Variants in FAM25A observed in about 807,000 individuals in gnomAD.
FAM25A encodes family with sequence similarity 25 member A, also known as protein FAM25A.
FAM25A carries 5 observed loss-of-function variants against 6.6 expected under a neutral mutation model. That is an observed-to-expected ratio of 0.75 (90% CI 0.39 to 1.59). The LOEUF is 1.59. Among genes scored for constraint, FAM25A ranks in the 40% most tolerant of loss-of-function variants. The pLI, the probability that FAM25A is intolerant of heterozygous loss-of-function variation, is 0.02. For synonymous variants in FAM25A, 36 were observed against 41.3 expected, an observed-to-expected ratio of 0.87 and a Z score of 0.49; for missense variants, 93 against 109.7, an observed-to-expected ratio of 0.85 and a Z score of 0.68.
Position 87,020,381 on chromosome 10 carries a change from GGCCACCGAGGGA to G in FAM25A, c.62_73del (p.Thr21_Ala24del). 1 of 1,549,460 alleles carries G rather than the reference GGCCACCGAGGGA, an allele frequency of 6.5e-7. No individual in the cohort carries two copies. The highest frequency in any genetic ancestry group is 1.4e-5 in the African/African-American group (1 of 73,086). On this transcript the variant is annotated inframe_deletion, in exon 1 of 3. Transcript: ENST00000343959. ...AAGGCCTGGCCCACCGCACCGAGAA[GGCCACCGAGGGA>G]GCCAGTGAGGACCTGGGGCTCCTTT...
chr10:87,024,383 A>G (rs1393367249), intron 2 of FAM25A, among the ~76,000 whole-genome samples, 158 bp from the exon 3 acceptor site: 1 of 152,104 alleles, frequency 6.6e-6, no homozygotes, highest in Non-Finnish European at 1.5e-5. Flanking sequence ...AATTAAAACC[A>G]AATTCAAATT....
chr10:87,024,328 A>T (rs1845358160), intron 2 of FAM25A, among the ~76,000 whole-genome samples: 1 of 152,166 alleles, frequency 6.6e-6, no homozygotes, highest in Non-Finnish European at 1.5e-5. Context: ...CCATGAGTAG[A>T]TGCTCAGTCT....
rs761669044 is a variant in FAM25A, at chr10:87,022,321, C to T, written c.81C>T (p.Ala27=). The T allele has an allele frequency of 9.7e-6, 15 of 1,548,780 alleles. No homozygotes were observed. Among genetic ancestry groups the T allele is most frequent in the South Asian group, 6.0e-5 (5 of 83,966 alleles). The change falls in exon 2 of 3, where the codon GCC becomes GCT. Residue 27 remains alanine (A), a synonymous_variant. Coordinates refer to ENST00000343959, the MANE Select transcript of FAM25A (RefSeq NM_001146157.3). Reference sequence around the variant, plus strand: ...CTTGTCTCCTCTGTTCAGTTCATGCCGTGGAAGAAGTGGTGAAGGAGGTGG... The same window carrying T: ...CTTGTCTCCTCTGTTCAGTTCATGCTGTGGAAGAAGTGGTGAAGGAGGTGG... ...TEKATEGAIH[A]VEEVVKEVVG... is the part of the protein sequence containing the mutation.
intron 1 of FAM25A, among the ~76,000 whole-genome samples, chr10:87,020,706 T>C (rs11202299): frequency 0.58 from 88,921 of 152,062 alleles, 26,675 homozygotes; most frequent in East Asian, 0.86. Flanking sequence ...AAAAGGAAGA[T>C]GGATTTTTAT....
chr10:87,022,160 C>A (rs1300876108), intron 1 of FAM25A, among the ~76,000 whole-genome samples, 154 bp from the exon 2 acceptor site: 1 of 152,044 alleles, frequency 6.6e-6, no homozygotes, highest in Non-Finnish European at 1.5e-5. Flanking sequence ...TCTAGGATGT[C>A]CAGGGATGTA....
At chr10:87,024,449 C>T in intron 2 of FAM25A, 92 bp from the exon 3 acceptor site, 2 of 1,530,396 alleles carry the variant, frequency 1.3e-6, no homozygotes, top group Non-Finnish European at 1.8e-6. Context: ...AGAGACTAAT[C>T]CATTAAGATG....
chr10:87,022,418 A>G, intron 2 of FAM25A, 42 bp downstream of exon 2: 2 of 1,542,010 alleles, frequency 1.3e-6, no homozygotes, highest in Non-Finnish European at 1.7e-6. Context: ...GGGAGGGAGC[A>G]AGGGAAGCTA....
chr10:87,021,441 T>G (rs1214712894), intron 1 of FAM25A, among the ~76,000 whole-genome samples: 5 of 152,298 alleles, frequency 3.3e-5, no homozygotes, highest in Non-Finnish European at 1.5e-5. Context: ...TAGCCGTATG[T>G]TTCTCATTCA....
In FAM25A at chr10:87,024,603, G is replaced by A; in HGVS notation, c.199G>A (p.Glu67Lys). 1 of 1,535,758 alleles carries A rather than the reference G, an allele frequency of 6.5e-7. No homozygotes were observed. Among genetic ancestry groups the A allele is most frequent in the Non-Finnish European group, 8.7e-7 (1 of 1,146,890 alleles). ...SGDKKMKEIT[E>K]TVTNTVTNAI... ...GGACAAAAAGATGAAGGAAATCACT[G>A]AGACAGTGACCAACACAGTCACAAA... The change falls in exon 3 of 3, where the codon GAG (glutamate) becomes AAG (lysine). Residue 67 changes from glutamate (E) to lysine (K), a missense_variant. Glu to Lys is a moderately conservative substitution (Grantham distance 56). Coordinates refer to ENST00000343959, the MANE Select transcript of FAM25A (RefSeq NM_001146157.3).
chr10:87,022,018 GC>G (rs1845332474), intron 1 of FAM25A, among the ~76,000 whole-genome samples: 1 of 152,218 alleles, frequency 6.6e-6, no homozygotes, highest in African/African-American at 2.4e-5. Flanking sequence ...AGGGACCCAT[GC>G]CCTCATGGGG....
At chr10:87,020,426 G>A (rs1845320384) in intron 1 of FAM25A, 29 bp downstream of exon 1, 3 of 1,548,184 alleles carry the variant, frequency 1.9e-6, no homozygotes, top group Non-Finnish European at 1.7e-6. Flanking sequence ...TTTCTACCTG[G>A]GCTGGGGGGA....
intron 1 of FAM25A, among the ~76,000 whole-genome samples, chr10:87,021,042 G>A (rs962495457): frequency 1.7e-4 from 26 of 152,254 alleles, no homozygotes; most frequent in Admixed American, 1.2e-3. Flanking sequence ...TGGCCAGGCT[G>A]GTCTCAAACT....
rs185840554 is a variant in FAM25A at position 87,023,008 on chromosome 10, C to T, written c.136+632C>T. ...CAGCACTTTGGGAGCCTGAGGTGGGCGGATCACGAGGTCAGGAGATCCAGA... is the reference window on the plus strand; with the variant it reads ...CAGCACTTTGGGAGCCTGAGGTGGGTGGATCACGAGGTCAGGAGATCCAGA... On this transcript the variant is annotated intron_variant, in intron 2 of 2. Transcript: ENST00000343959. Among the ~76,000 whole-genome samples the T allele has an allele frequency of 1.1e-3, 169 of 147,712 alleles. 1 individual carries two copies. In the East Asian group the frequency reaches 0.028, roughly 25 times the overall value.
intron 2 of FAM25A, among the ~76,000 whole-genome samples, chr10:87,023,393 T>C (rs1845348412): frequency 6.6e-6 from 1 of 152,126 alleles, no homozygotes; most frequent in Non-Finnish European, 1.5e-5. Flanking sequence ...ATTAACTTAC[T>C]AGGAGATAAC....
chr10:87,022,681 C>T (rs1286357332), intron 2 of FAM25A, among the ~76,000 whole-genome samples: 2 of 152,218 alleles, frequency 1.3e-5, no homozygotes, highest in Admixed American at 1.3e-4. Flanking sequence ...AATCCCAGCC[C>T]TTTGGGAGGC....
Position 87,024,545 on chromosome 10 carries a change from T to C in FAM25A, c.141T>C (p.Ile47=), listed in dbSNP as rs944632760. 8.5e-6 allele frequency: 13 copies of C among 1,535,646 alleles called. No individual in the cohort carries two copies. The African/African-American group carries it at 1.8e-4, about 21-fold the overall frequency. ...CTTCCTCTTTCTTTCCAACAGCCAT[T>C]GCTGAAGCCATAAAGAAAGCCCAAG... is the stretch of plus-strand genomic sequence containing the variant. The part of the protein sequence containing the change: ...GHAKETGEKA[I]AEAIKKAQES... Residue 47 remains isoleucine, a synonymous_variant, in exon 3 of 3, where the codon ATT becomes ATC. Transcript: ENST00000343959.
In FAM25A at chr10:87,020,308, C is replaced by A; in HGVS notation, c.-17C>A. 1 of 1,549,588 alleles carries A rather than the reference C, an allele frequency of 6.5e-7. No homozygotes were observed. The highest frequency in any genetic ancestry group is 8.7e-7 in the Non-Finnish European group (1 of 1,146,842). Reference sequence around the variant, plus strand: ...CAGTCCTCAGCATCCTAGTTCACCACTGTCTGCTGCCACACGATGCTGGGA... The same window carrying A: ...CAGTCCTCAGCATCCTAGTTCACCAATGTCTGCTGCCACACGATGCTGGGA... On this transcript the variant is annotated 5_prime_UTR_variant, in exon 1 of 3. The change creates a new upstream start codon in the 5' untranslated region. Coordinates refer to ENST00000343959, the MANE Select transcript of FAM25A (RefSeq NM_001146157.3).
At chr10:87,024,487 A>G (rs560465733) in intron 2 of FAM25A, 54 bp from the exon 3 acceptor site, 1 of 1,535,790 alleles carries the variant, frequency 6.5e-7, no homozygotes, top group Non-Finnish European at 8.7e-7. Context: ...ACTCAAGGGG[A>G]CACAAGTTCA....
At chr10:87,023,458 C>T (rs747095215) in intron 2 of FAM25A, among the ~76,000 whole-genome samples, 81 of 152,286 alleles carry the variant, frequency 5.3e-4, no homozygotes, top group Non-Finnish European at 9.1e-4. Context: ...CAGTGGCTCA[C>T]GCCTGTAATC....
Sources: gnomAD v4.1 joint callset for allele counts (sites outside exome capture counted in the v4.1 genomes callset) on GRCh38, gnomAD v4.1.1 for gene constraint, MANE v1.5 for transcripts, NCBI Gene and HGNC (gene_info 2026-07-23, HGNC 2026-07-21) for gene names.